Variants in DIP2C observed in about 807,000 individuals in gnomAD.
The protein encoded by DIP2C is disco-interacting protein 2 homolog C.
Under a neutral mutation model 192.4 loss-of-function variants are expected in DIP2C, and 33 were observed. The observed-to-expected ratio is 0.17, with a 90% CI of 0.13 to 0.23. DIP2C has a LOEUF of 0.23. DIP2C is among the 10% of genes least tolerant of loss of function. The pLI, the probability that DIP2C is intolerant of heterozygous loss-of-function variation, is 1.00. For synonymous variants in DIP2C, 979 were observed against 864.1 expected (o/e 1.13, Z -2.33); for missense variants, 1,537 against 2,110.1 (o/e 0.73, Z 5.32).
intron 24 of DIP2C, among the ~76,000 whole-genome samples, chr10:350,509 G>A (rs868183704): frequency 6.6e-6 from 1 of 152,034 alleles, no homozygotes; most frequent in Non-Finnish European, 1.5e-5. Flanking sequence ...TTTGTGATCA[G>A]ATTCTGTCTC....
intron 1 of DIP2C, among the ~76,000 whole-genome samples, chr10:536,338 T>C (rs764337718): frequency 6.6e-6 from 1 of 151,194 alleles, no homozygotes; most frequent in Non-Finnish European, 1.5e-5. Flanking sequence ...GAGCATGGTA[T>C]CTATCTGCAA....
At chr10:472,028 T>C (rs372234940) in intron 3 of DIP2C, among the ~76,000 whole-genome samples, 1 of 152,080 alleles carries the variant, frequency 6.6e-6, no homozygotes, top group Non-Finnish European at 1.5e-5. Flanking sequence ...AAAACACAGA[T>C]GAAAGACAGG....
chr10:281,244 G>A lies in DIP2C; in HGVS notation c.4374C>T (p.Asp1458=), dbSNP rs368996223. ...ELRGMRYHPI[D]IETSVIRAHK... ...GGGCTCTGATGACCGAGGTCTCAAT[G>A]TCGATTGGGTGGTACCGCATGCCCC... is the stretch of plus-strand genomic sequence containing the variant. The change falls in exon 36 of 37, where the codon GAC becomes GAT. Residue 1458 remains aspartate, a synonymous_variant. Coordinates refer to ENST00000280886, the MANE Select transcript of DIP2C (RefSeq NM_014974.3). 6 of 1,614,084 alleles carry A rather than the reference G, an allele frequency of 3.7e-6. No homozygotes were observed. The African/African-American group carries it at 4.0e-5, about 11-fold the overall frequency.
intron 1 of DIP2C, among the ~76,000 whole-genome samples, chr10:513,485 C>T (rs1373488604): frequency 1.3e-5 from 2 of 152,230 alleles, no homozygotes; most frequent in African/African-American, 2.4e-5. Flanking sequence ...TCTCCTCCAC[C>T]GCGCCACACC....
At chr10:572,349 T>C (rs1051064232) in intron 1 of DIP2C, among the ~76,000 whole-genome samples, 1 of 152,226 alleles carries the variant, frequency 6.6e-6, no homozygotes, top group African/African-American at 2.4e-5. Flanking sequence ...TAACTGTGCA[T>C]CCTGAGCGCC....
intron 1 of DIP2C, among the ~76,000 whole-genome samples, chr10:576,347 G>T (rs34263836): frequency 2.0e-5 from 3 of 152,220 alleles, no homozygotes; most frequent in Non-Finnish European, 4.4e-5. Flanking sequence ...TCATACGTGT[G>T]TTGAAAGGCA....
At chr10:675,995 C>G (rs1237313813) in intron 1 of DIP2C, among the ~76,000 whole-genome samples, 1 of 152,144 alleles carries the variant, frequency 6.6e-6, no homozygotes. Context: ...CTGATGAACA[C>G]AGATGCAAAA....
At position 286,288 on chromosome 10, in the gene DIP2C, G is replaced by A. The variant is rs1664425002; in HGVS notation, c.4104C>T (p.Asp1368=). 6.2e-7 allele frequency: 1 copy of A among 1,613,976 alleles called. No homozygotes were observed. Among genetic ancestry groups the A allele is most frequent in the African/African-American group, 1.3e-5 (1 of 74,914 alleles). Residue 1368 remains aspartate (D), a synonymous_variant, in exon 34 of 37, where the codon GAC becomes GAT. Transcript: ENST00000280886. ...ANPETKGPLG[D]SHLGEIWVHS... The stretch of plus-strand genomic sequence containing the variant: ...CTCAACTCACCTCTCCAAGGTGTGA[G>A]TCCCCCAGCGGTCCTTTTGTTTCTG...
At chr10:687,144 C>G (rs1831367351) in intron 1 of DIP2C, among the ~76,000 whole-genome samples, 1 of 152,230 alleles carries the variant, frequency 6.6e-6, no homozygotes, top group African/African-American at 2.4e-5. Context: ...AGCTTTCACT[C>G]TGAAAGCAGA....
At chr10:588,188 C>A (rs1339401794) in intron 1 of DIP2C, among the ~76,000 whole-genome samples, 6 of 138,760 alleles carry the variant, frequency 4.3e-5, no homozygotes, top group Non-Finnish European at 9.3e-5. Flanking sequence ...TGCGGAAACC[C>A]CACATCCACA....
intron 31 of DIP2C, chr10:311,651 T>A: frequency 8.9e-7 from 1 of 1,120,686 alleles, no homozygotes; most frequent in Non-Finnish European, 1.1e-6. Context: ...CACAGACACA[T>A]ACGACCCGAC....
chr10:311,365 G>A (rs1364137159), intron 31 of DIP2C, among the ~76,000 whole-genome samples: 1 of 152,228 alleles, frequency 6.6e-6, no homozygotes, highest in Non-Finnish European at 1.5e-5. Flanking sequence ...CGTCGGCTAC[G>A]CGTGAGGCCT....
At chr10:534,092 G>GC (rs1045013812) in intron 1 of DIP2C, among the ~76,000 whole-genome samples, 1 of 151,982 alleles carries the variant, frequency 6.6e-6, no homozygotes, top group African/African-American at 2.4e-5. Flanking sequence ...GGGACGAGGA[G>GC]CCCCTCCTGC....
chr10:281,012 T>C (rs1437409782), intron 36 of DIP2C, among the ~76,000 whole-genome samples, 188 bp downstream of exon 36: 2 of 152,234 alleles, frequency 1.3e-5, no homozygotes, highest in Non-Finnish European at 2.9e-5. Flanking sequence ...ATATGGTACA[T>C]TAACTCTACA....
intron 1 of DIP2C, among the ~76,000 whole-genome samples, chr10:500,597 T>C (rs943409877): frequency 6.6e-6 from 1 of 152,232 alleles, no homozygotes; most frequent in Non-Finnish European, 1.5e-5. Context: ...ACAGAAATCC[T>C]ACACAAAACA....
chr10:588,179 G>C lies in DIP2C; in HGVS notation c.85+101315C>G, dbSNP rs1330190100. 7.4e-4 allele frequency among the ~76,000 whole-genome samples: 58 copies of C among 78,356 alleles called. 1 individual carries two copies. The highest frequency in any genetic ancestry group is 3.1e-3 in the African/African-American group (50 of 16,098). 51.4% of individuals were successfully genotyped at this position (78,356 alleles called of 152,430 possible). A position where few individuals can be genotyped will look rare whatever the true frequency, so the allele number is the denominator to read the frequency against. ...CAGGCACTGCCTCAGCCCTGACCCTGCGGAAACCCCACATCCACACCAGCC... is the reference window on the plus strand; with the variant it reads ...CAGGCACTGCCTCAGCCCTGACCCTCCGGAAACCCCACATCCACACCAGCC... On this transcript the variant is annotated intron_variant, in intron 1 of 36. Transcript: ENST00000280886.
chr10:537,683 C>A (rs950268366), intron 1 of DIP2C, among the ~76,000 whole-genome samples: 1 of 152,138 alleles, frequency 6.6e-6, no homozygotes, highest in South Asian at 2.1e-4. Flanking sequence ...AGGGAAGACA[C>A]GAGACACAGG....
At chr10:574,677 T>TA (rs1263933093) in intron 1 of DIP2C, among the ~76,000 whole-genome samples, 4 of 152,208 alleles carry the variant, frequency 2.6e-5, no homozygotes, top group Admixed American at 1.3e-4. Flanking sequence ...CTCCCATTGA[T>TA]AAAGTTTGCC....
chr10:561,484 A>T (rs546907397), intron 1 of DIP2C, among the ~76,000 whole-genome samples: 11 of 152,290 alleles, frequency 7.2e-5, no homozygotes, highest in Non-Finnish European at 1.3e-4. Context: ...ACCAAACGTG[A>T]TCAACATCAC....
Sources: gnomAD v4.1 joint callset for allele counts (sites outside exome capture counted in the v4.1 genomes callset) on GRCh38, gnomAD v4.1.1 for gene constraint, MANE v1.5 for transcripts, NCBI Gene and HGNC (gene_info 2026-07-23, HGNC 2026-07-21) for gene names.